Variants in ELMO1 observed in about 807,000 individuals in gnomAD.
ELMO1 encodes engulfment and cell motility protein 1.
Under a neutral mutation model 98.9 loss-of-function variants are expected in ELMO1, and 26 were observed. The ratio of observed to expected loss-of-function variants is 0.26; its 90% confidence interval spans 0.19 to 0.36. ELMO1 has a LOEUF of 0.36. Among genes scored for constraint, ELMO1 ranks in the 10% least tolerant of loss-of-function variants. The pLI is 1.00. For missense variants in ELMO1, 627 were observed against 935.2 expected (o/e 0.67, Z 4.30); for synonymous variants, 346 against 346.0 (o/e 1.00, Z 0.00).
At chr7:36,916,264 G>A (rs562603644) in intron 16 of ELMO1, among the ~76,000 whole-genome samples, 71 of 152,288 alleles carry the variant, frequency 4.7e-4, no homozygotes, top group African/African-American at 1.5e-3. Context: ...ATCTTTGCAC[G>A]AGCAGGGAGA....
chr7:37,216,273 C>G (rs1229495237), intron 11 of ELMO1, among the ~76,000 whole-genome samples: 1 of 151,972 alleles, frequency 6.6e-6, no homozygotes, highest in African/African-American at 2.4e-5. Context: ...TCTCTTGGTA[C>G]CTGATATGTT....
intron 15 of ELMO1, among the ~76,000 whole-genome samples, chr7:37,018,747 G>A (rs1228524787): frequency 2.0e-5 from 3 of 152,104 alleles, no homozygotes; most frequent in African/African-American, 4.8e-5. Flanking sequence ...AAAGTGCTGC[G>A]ATTACAGGCA....
intron 13 of ELMO1, among the ~76,000 whole-genome samples, chr7:37,203,004 A>G (rs1792384682): frequency 6.6e-6 from 1 of 152,062 alleles, no homozygotes; most frequent in South Asian, 2.1e-4. Flanking sequence ...CTAATGCAGT[A>G]GCAGAAACAA....
At chr7:36,930,871 C>T (rs550188459) in intron 16 of ELMO1, among the ~76,000 whole-genome samples, 65 of 152,272 alleles carry the variant, frequency 4.3e-4, no homozygotes, top group Middle Eastern at 6.8e-3. Context: ...AAAGGGGACA[C>T]GCAGAAAAAT....
At chr7:37,086,350 G>C (rs1234878993) in intron 15 of ELMO1, among the ~76,000 whole-genome samples, 4 of 151,792 alleles carry the variant, frequency 2.6e-5, no homozygotes, top group Non-Finnish European at 5.9e-5. Flanking sequence ...GTGTGTGTGT[G>C]TGTGTGTGTG....
intron 15 of ELMO1, among the ~76,000 whole-genome samples, chr7:37,065,151 C>G (rs1181351759): frequency 6.6e-6 from 1 of 151,864 alleles, no homozygotes; most frequent in African/African-American, 2.4e-5. Context: ...AGCTATTGCC[C>G]TATCTCTTCA....
chr7:37,375,383 TCTTAGCAGA>T, intron 1 of ELMO1: 18 of 586,024 alleles, frequency 3.1e-5, no homozygotes, highest in Non-Finnish European at 4.9e-5. Flanking sequence ...CCTATGCAGG[TCTTAGCAGA>T]ATTCAGGCCC....
chr7:37,051,852 G>A (rs1371531272), intron 15 of ELMO1, among the ~76,000 whole-genome samples: 1 of 152,156 alleles, frequency 6.6e-6, no homozygotes, highest in African/African-American at 2.4e-5. Flanking sequence ...TTCTTCTTGG[G>A]AGCCTGCTGT....
At chr7:37,252,029 G>A (rs1202757842) in intron 6 of ELMO1, among the ~76,000 whole-genome samples, 1 of 152,158 alleles carries the variant, frequency 6.6e-6, no homozygotes, top group Admixed American at 6.5e-5. Flanking sequence ...TAAAAGGGAT[G>A]TGAAGGACCT....
At chr7:37,427,119 C>T (rs559687092) in intron 1 of ELMO1, among the ~76,000 whole-genome samples, 75 of 152,186 alleles carry the variant, frequency 4.9e-4, no homozygotes, top group African/African-American at 1.7e-3. Context: ...TCTTTAGAAA[C>T]GAGATTCAAA....
chr7:37,212,367 G>A (rs901123437), intron 12 of ELMO1, among the ~76,000 whole-genome samples: 2 of 152,128 alleles, frequency 1.3e-5, no homozygotes, highest in Non-Finnish European at 2.9e-5. Context: ...CTTAAGAATG[G>A]TTAAAATAGT....
chr7:37,055,930 T>C (rs556336429), intron 15 of ELMO1, among the ~76,000 whole-genome samples: 4 of 152,316 alleles, frequency 2.6e-5, no homozygotes, highest in African/African-American at 9.6e-5. Context: ...TTTTATTCCA[T>C]ATAATTCATT....
intron 14 of ELMO1, among the ~76,000 whole-genome samples, chr7:37,113,047 T>G (rs1405522879): frequency 1.3e-5 from 2 of 152,200 alleles, no homozygotes; most frequent in African/African-American, 4.8e-5. Context: ...AAGGCCATTT[T>G]GGGGCATACC....
intron 13 of ELMO1, among the ~76,000 whole-genome samples, chr7:37,160,565 C>T (rs774675972): frequency 2.9e-4 from 44 of 152,130 alleles, no homozygotes; most frequent in Non-Finnish European, 5.0e-4. Context: ...AGGAGCAGGG[C>T]GGTTTAAAGC....
intron 15 of ELMO1, among the ~76,000 whole-genome samples, chr7:37,046,920 G>A: frequency 6.6e-6 from 1 of 152,204 alleles, no homozygotes; most frequent in Non-Finnish European, 1.5e-5. Context: ...GGAGACACTG[G>A]AACAACTCAC....
chr7:37,105,496 C>A (rs1784893484), intron 14 of ELMO1, among the ~76,000 whole-genome samples: 1 of 152,222 alleles, frequency 6.6e-6, no homozygotes, highest in Non-Finnish European at 1.5e-5. Flanking sequence ...CTAACTTGAG[C>A]TTCTATTAGA....
At chr7:36,915,509 G>A (rs958336031) in intron 16 of ELMO1, among the ~76,000 whole-genome samples, 2 of 152,200 alleles carry the variant, frequency 1.3e-5, no homozygotes, top group Non-Finnish European at 2.9e-5. Context: ...AGGCCTTAGA[G>A]ATGGATCCAC....
intron 13 of ELMO1, among the ~76,000 whole-genome samples, chr7:37,210,588 T>TAC (rs1158995459): frequency 6.6e-6 from 1 of 151,436 alleles, no homozygotes; most frequent in African/African-American, 2.4e-5. Context: ...CTTATATATA[T>TAC]ACACACACAG....
intron 21 of ELMO1, among the ~76,000 whole-genome samples, chr7:36,857,729 T>TA (rs1170653832): frequency 1.3e-5 from 2 of 152,158 alleles, no homozygotes; most frequent in East Asian, 1.9e-4. Context: ...CAAAAAGGGC[T>TA]AAAAAATAAT....
Sources: allele counts gnomAD v4.1 joint callset (sites outside exome capture counted in the v4.1 genomes callset), GRCh38; gene constraint gnomAD v4.1.1; transcripts MANE v1.5; gene names NCBI Gene and HGNC (gene_info 2026-07-23, HGNC 2026-07-21).